The following TSC1 variants were observed in gnomAD, a reference collection of about 807,000 sequenced individuals.
The protein encoded by TSC1 is hamartin.
A neutral mutation model predicts 124.3 loss-of-function variants in TSC1; 20 were observed. The ratio of observed to expected loss-of-function variants is 0.16; its 90% CI spans 0.11 to 0.23. The LOEUF is 0.23. TSC1 is among the 10% of genes least tolerant of loss of function. The pLI, the probability that TSC1 is intolerant of heterozygous loss-of-function variation, is 1.00. For missense variants in TSC1, 1,124 were observed against 1,448.5 expected (o/e 0.78, Z 3.64); for synonymous variants, 493 against 539.1 (o/e 0.91, Z 1.19).
intron 12 of TSC1, chr9:132,910,051 G>T (rs538434023): frequency 1.2e-5 from 2 of 166,536 alleles, no homozygotes; most frequent in South Asian, 1.6e-4. Context: ...GTAATCCCAG[G>T]ATTTTGGGAG....
chr9:132,891,889 G>GTC lies in TSC1; in HGVS notation c.*4344_*4345dup. Reference sequence around the variant, plus strand: ...GGTGGGGAAAGGGAGGGAAGGGTTGGTCTGGGGGTTCTCAGACTCTCAGGG... The same window carrying GTC: ...GGTGGGGAAAGGGAGGGAAGGGTTGGTCTCTGGGGGTTCTCAGACTCTCAGGG... On this transcript the variant is annotated 3_prime_UTR_variant, in exon 23 of 23. Transcript: ENST00000298552. 4.3e-6 allele frequency: 1 copy of GTC among 233,680 alleles called. No individual in the cohort carries two copies. Among genetic ancestry groups the GTC allele is most frequent in the Non-Finnish European group, 8.5e-6 (1 of 118,040 alleles). 14.5% of individuals were successfully genotyped at this position (233,680 alleles called of 1,614,324 possible).
chr9:132,898,721 G>C (rs1845215259), intron 20 of TSC1, among the ~76,000 whole-genome samples: 2 of 152,170 alleles, frequency 1.3e-5, no homozygotes, highest in African/African-American at 4.8e-5. Context: ...AATCCTTACA[G>C]CTACCCCTAC....
Position 132,903,570 on chromosome 9 carries a change from G to T in TSC1, c.2208+81C>A. On this transcript the variant is annotated intron_variant, in intron 17 of 22. Coordinates refer to ENST00000298552, the MANE Select transcript of TSC1 (RefSeq NM_000368.5). The surrounding 1 kb of genome is among the most constrained non-coding windows in gnomAD (Gnocchi z 5.9). The stretch of plus-strand genomic sequence containing the variant: ...AGGACTGGGAACTCTGACCTCCTCG[G>T]CTGCTGTGCTTTATAAGCTATCATG... The T allele has an allele frequency of 6.2e-7, 1 of 1,605,080 alleles. No homozygotes were observed.
chr9:132,934,479 C>A (rs932173322), intron 2 of TSC1: 1 of 152,282 alleles, frequency 6.6e-6, no homozygotes, highest in African/African-American at 2.4e-5. Flanking sequence ...CTCAAGGGTT[C>A]TCAGCCCAGG....
At chr9:132,899,098 T>G (rs1845238092) in intron 20 of TSC1, 1 of 152,196 alleles carries the variant, frequency 6.6e-6, no homozygotes, top group Non-Finnish European at 1.5e-5. Flanking sequence ...GGCTAATTTT[T>G]TGTATTTTTA....
At chr9:132,904,999 A>C (rs1845578629) in intron 15 of TSC1, among the ~76,000 whole-genome samples, 1 of 152,202 alleles carries the variant, frequency 6.6e-6, no homozygotes, top group Non-Finnish European at 1.5e-5. Context: ...GAAAAATAAA[A>C]ATATTCCCCA....
chr9:132,908,714 C>T (rs1404467283), intron 12 of TSC1, among the ~76,000 whole-genome samples: 4 of 151,668 alleles, frequency 2.6e-5, no homozygotes, highest in Non-Finnish European at 5.9e-5. Context: ...TCCCAGAGTG[C>T]TGGATACAGA....
chr9:132,900,582 C>T (rs1031168838), intron 20 of TSC1, 133 bp downstream of exon 20: 46 of 1,460,078 alleles, frequency 3.2e-5, no homozygotes, highest in Admixed American at 1.0e-4. Context: ...AGCTGGACCA[C>T]GGAGTAGTGG....
chr9:132,914,652 T>C (rs537695832), intron 8 of TSC1, among the ~76,000 whole-genome samples: 2 of 146,034 alleles, frequency 1.4e-5, no homozygotes, highest in African/African-American at 5.1e-5. Context: ...TGAGGCCAAG[T>C]TCGAGACCAG....
Position 132,906,438 on chromosome 9 carries a change from A to G in TSC1, c.1438+293T>C. ...GTGGTGTATGCCTGTGGTCCCAGCT[A>G]CTCAGGAGGCTGAGGTGGGCGGATT... On this transcript the variant is annotated intron_variant, in intron 14 of 22. Transcript: ENST00000298552. The surrounding 1 kb of genome is among the most constrained non-coding windows in gnomAD (Gnocchi z 4.1). 1 of 530,546 alleles carries G rather than the reference A, an allele frequency of 1.9e-6. No homozygotes were observed. Among genetic ancestry groups the G allele is most frequent in the Middle Eastern group, 5.3e-4 (1 of 1,896 alleles). The allele number at this position is 530,546 out of a possible 1,614,324, so 32.9% of individuals were successfully genotyped here.
chr9:132,922,718 C>T (rs1846633976), intron 6 of TSC1, among the ~76,000 whole-genome samples: 1 of 152,168 alleles, frequency 6.6e-6, no homozygotes, highest in African/African-American at 2.4e-5. Context: ...TAATTTAATC[C>T]TATACAGGAA....
Position 132,923,695 on chromosome 9 carries a change from T to A in TSC1, c.364-203A>T. On this transcript the variant is annotated intron_variant, in intron 5 of 22. Coordinates refer to ENST00000298552, the MANE Select transcript of TSC1 (RefSeq NM_000368.5). The surrounding 1 kb of genome is among the most constrained non-coding windows in gnomAD (Gnocchi z 4.2). Reference sequence around the variant, plus strand: ...AGAACACTGAGCCCCAACTCTACTGTAATGAGTCAGTGAGGACCATTTACA... The same window carrying A: ...AGAACACTGAGCCCCAACTCTACTGAAATGAGTCAGTGAGGACCATTTACA... 1.4e-6 allele frequency: 1 copy of A among 699,574 alleles called. No individual in the cohort carries two copies. Among genetic ancestry groups the A allele is most frequent in the African/African-American group, 1.8e-5 (1 of 56,402 alleles). 43.3% of individuals were successfully genotyped at this position (699,574 alleles called of 1,614,324 possible).
chr9:132,940,831 T>C (rs1847697827), intron 1 of TSC1: 1 of 152,212 alleles, frequency 6.6e-6, no homozygotes, highest in Admixed American at 6.5e-5. Context: ...ATTTAACAAC[T>C]GGTATTTGAA....
Position 132,906,911 on chromosome 9 carries a change from A to G in TSC1, c.1334-76T>C, listed in dbSNP as rs947020282. 7 of 1,134,284 alleles carry G rather than the reference A, an allele frequency of 6.2e-6. No homozygotes were observed. The highest frequency in any genetic ancestry group is 9.3e-6 in the Non-Finnish European group (7 of 753,106). The allele number at this position is 1,134,284 out of a possible 1,614,324, so 70.3% of individuals were successfully genotyped here. On this transcript the variant is annotated intron_variant, in intron 13 of 22. Transcript: ENST00000298552. This position sits in a 1 kb window ranked among gnomAD's most constrained non-coding sequence, Gnocchi z 4.1. Reference sequence around the variant, plus strand: ...GTAAGTGTAAAACTGCTTACACTGTATAGAATATGTCTGTAATAACTCTTC... The same window carrying G: ...GTAAGTGTAAAACTGCTTACACTGTGTAGAATATGTCTGTAATAACTCTTC...
chr9:132,910,498 G>GTAA, intron 12 of TSC1, 73 bp downstream of exon 12: 1 of 1,612,294 alleles, frequency 6.2e-7, no homozygotes, highest in East Asian at 2.2e-5. Flanking sequence ...GGCATAATTA[G>GTAA]GCTTCTCAAA....
At chr9:132,904,652 C>A (rs1845564785) in intron 15 of TSC1, among the ~76,000 whole-genome samples, 198 bp from the exon 16 acceptor site, 1 of 152,232 alleles carries the variant, frequency 6.6e-6, no homozygotes, top group African/African-American at 2.4e-5. Flanking sequence ...GCCCTCGCCC[C>A]ACTGCCTAGG....
chr9:132,900,896 G>A (rs930922255), intron 19 of TSC1, 59 bp from the exon 20 acceptor site: 52 of 1,611,052 alleles, frequency 3.2e-5, no homozygotes, highest in African/African-American at 1.9e-4. Context: ...GCACATAGAC[G>A]TCATTAAACA....
chr9:132,919,620 G>C (rs1176951842), intron 8 of TSC1, among the ~76,000 whole-genome samples: 1 of 152,148 alleles, frequency 6.6e-6, no homozygotes, highest in South Asian at 2.1e-4. Flanking sequence ...TCCTCAAAAA[G>C]CTCCTAGAGG....
Position 132,910,643 on chromosome 9 carries a change from T to TGGAGGAGGA in TSC1, c.1182_1190dup (p.Pro395_Pro397dup), listed in dbSNP as rs1845904104. 1 of 1,614,122 alleles carries TGGAGGAGGA rather than the reference T, an allele frequency of 6.2e-7. No individual in the cohort carries two copies. Among genetic ancestry groups the TGGAGGAGGA allele is most frequent in the Non-Finnish European group, 8.5e-7 (1 of 1,180,044 alleles). On this transcript the variant is annotated inframe_insertion, in exon 12 of 23. Transcript: ENST00000298552. ...AGTCATCCGAATGACAGAGTGGGGC[T>TGGAGGAGGA]GGAGGAGGAGAGGTTGCTGGGGTTC...
Sources: gnomAD v4.1 joint callset for allele counts (sites outside exome capture counted in the v4.1 genomes callset) on GRCh38, gnomAD v4.1.1 for gene constraint, Gnocchi (gnomAD v3.1) non-coding constraint, MANE v1.5 for transcripts, NCBI Gene and HGNC (gene_info 2026-07-23, HGNC 2026-07-21) for gene names.